The following SRBD1 variants were observed in gnomAD, a reference collection of about 807,000 sequenced individuals.
The protein encoded by SRBD1 is S1 RNA-binding domain-containing protein 1.
A neutral mutation model predicts 115.3 loss-of-function variants in SRBD1; 88 were observed. The ratio of observed to expected loss-of-function variants is 0.76; its 90% confidence interval spans 0.64 to 0.91. The LOEUF (loss-of-function observed/expected upper bound fraction) is 0.91. Ranked by LOEUF, SRBD1 falls within the 40% of genes least tolerant of loss-of-function variation. The pLI, the probability that SRBD1 is intolerant of heterozygous loss-of-function variation, is 0.00. For missense variants in SRBD1, 1,385 were observed against 1,177.4 expected (o/e 1.18, Z -2.58); for synonymous variants, 509 against 407.7 (o/e 1.25, Z -2.99).
chr2:45,389,447 C>T lies in SRBD1; in HGVS notation c.2851G>A (p.Val951Ile), dbSNP rs912755765. The change falls in exon 21 of 21, where the codon GTA (valine) becomes ATA (isoleucine). Residue 951 changes from valine (V) to isoleucine (I), a missense_variant. By Grantham distance (29) the Val-to-Ile change is conservative. Coordinates refer to ENST00000263736, the MANE Select transcript of SRBD1 (RefSeq NM_018079.5). Reference protein sequence around the residue: ...GKSGLIPIRNVTEAKLSKTKK... With the variant: ...GKSGLIPIRNITEAKLSKTKK... ...GTTTTTGAAAGTTTTGCTTCTGTTA[C>T]ATTTCGTATGGGAATCAGCCCAGAT... 1.2e-6 allele frequency: 2 copies of T among 1,614,040 alleles called. No homozygotes were observed. The highest frequency in any genetic ancestry group is 1.7e-6 in the Non-Finnish European group (2 of 1,179,952).
At chr2:45,409,959 G>C (rs1439341000) in intron 19 of SRBD1, among the ~76,000 whole-genome samples, 1 of 151,674 alleles carries the variant, frequency 6.6e-6, no homozygotes, top group African/African-American at 2.4e-5. Flanking sequence ...AAAAAATAGA[G>C]GTAAACCACA....
At chr2:45,431,574 A>G (rs1214342297) in intron 16 of SRBD1, among the ~76,000 whole-genome samples, 2 of 152,228 alleles carry the variant, frequency 1.3e-5, no homozygotes, top group Non-Finnish European at 2.9e-5. Context: ...GAGTTGAACA[A>G]TGAGAACACA....
rs148513355 is a variant in SRBD1, at chr2:45,398,774, G to A, written c.2514-5645C>T. On this transcript the variant is annotated intron_variant, in intron 19 of 20. Coordinates refer to ENST00000263736, the MANE Select transcript of SRBD1 (RefSeq NM_018079.5). ...AGTTACCTCAAAGTATCTAAGATCA[G>A]TGAAATAATAACCAATGCCATACAC... Among the ~76,000 whole-genome samples the A allele has an allele frequency of 2.2e-3, 341 of 152,218 alleles. 2 individuals carry two copies. The highest frequency in any genetic ancestry group is 8.1e-3 in the African/African-American group (335 of 41,538).
At chr2:45,573,181 C>G (rs1241433103) in intron 9 of SRBD1, 26 bp downstream of exon 9, 1 of 1,559,250 alleles carries the variant, frequency 6.4e-7, no homozygotes, top group African/African-American at 1.4e-5. Context: ...ACGAAATCAG[C>G]ATGCACATGC....
chr2:45,599,331 G>A, intron 4 of SRBD1, 118 bp downstream of exon 4: 3 of 1,401,716 alleles, frequency 2.1e-6, no homozygotes, highest in Non-Finnish European at 2.9e-6. Flanking sequence ...GAAATCACTG[G>A]CAAAACTGAA....
At chr2:45,425,700 G>A (rs893576553) in intron 16 of SRBD1, among the ~76,000 whole-genome samples, 3 of 151,998 alleles carry the variant, frequency 2.0e-5, no homozygotes, top group African/African-American at 7.2e-5. Flanking sequence ...CAAGGAGTCA[G>A]GGAACTCACT....
At chr2:45,605,247 TAA>T (rs1248414888) in intron 2 of SRBD1, 113 bp downstream of exon 2, 1 of 867,454 alleles carries the variant, frequency 1.2e-6, no homozygotes, top group Non-Finnish European at 1.8e-6. Context: ...CATGAATGAA[TAA>T]AAAAAGTTTT....
At chr2:45,555,540 G>A (rs1672447519) in intron 10 of SRBD1, among the ~76,000 whole-genome samples, 1 of 147,856 alleles carries the variant, frequency 6.8e-6, no homozygotes, top group African/African-American at 2.5e-5. Flanking sequence ...GCCCAGGCTG[G>A]AGTGCAGTGG....
At chr2:45,446,710 C>T (rs1188409190) in intron 16 of SRBD1, among the ~76,000 whole-genome samples, 1 of 148,272 alleles carries the variant, frequency 6.7e-6, no homozygotes, top group South Asian at 2.1e-4. Flanking sequence ...AAAAAAAAAA[C>T]CCCACAGAAC....
intron 14 of SRBD1, among the ~76,000 whole-genome samples, chr2:45,492,701 A>G (rs1458100013): frequency 6.6e-6 from 1 of 152,046 alleles, no homozygotes; most frequent in African/African-American, 2.4e-5. Flanking sequence ...GGCCTCCCAA[A>G]GTGCTGGGAT....
chr2:45,456,404 T>TG (rs766604135), intron 16 of SRBD1, among the ~76,000 whole-genome samples: 32 of 151,924 alleles, frequency 2.1e-4, no homozygotes, highest in Non-Finnish European at 8.8e-5. Flanking sequence ...TTTTGTTTTC[T>TG]TGACAGTTAA....
intron 16 of SRBD1, among the ~76,000 whole-genome samples, chr2:45,435,533 CCAAGA>C (rs1668466740): frequency 6.7e-6 from 1 of 148,652 alleles, no homozygotes; most frequent in Non-Finnish European, 1.5e-5. Context: ...ACCCAGGGCA[CCAAGA>C]CAAGACAACA....
In SRBD1 at chr2:45,605,921, A is replaced by G. The variant is rs530491225; in HGVS notation, c.1-480T>C. On this transcript the variant is annotated intron_variant, in intron 1 of 20. Transcript: ENST00000263736. ...TCGGTCTCAAAAAAAAAAAAAAAAG[A>G]AAAAAAAAGAGTAGCTAACAGCCTT... is the stretch of plus-strand genomic sequence containing the variant. Among the ~76,000 whole-genome samples the G allele has an allele frequency of 1.5e-4, 22 of 149,984 alleles. No individual in the cohort carries two copies. The South Asian group carries it at 4.0e-3, about 27-fold the overall frequency.
At chr2:45,419,258 T>C (rs1414151834) in intron 17 of SRBD1, among the ~76,000 whole-genome samples, 1 of 152,182 alleles carries the variant, frequency 6.6e-6, no homozygotes, top group Non-Finnish European at 1.5e-5. Flanking sequence ...ACTTGTGTAA[T>C]AAATGCAAAA....
At chr2:45,570,681 T>C (rs1672978164) in intron 9 of SRBD1, among the ~76,000 whole-genome samples, 2 of 152,222 alleles carry the variant, frequency 1.3e-5, no homozygotes, top group African/African-American at 4.8e-5. Flanking sequence ...GAGAGCACTT[T>C]TAACGTACCC....
intron 10 of SRBD1, among the ~76,000 whole-genome samples, chr2:45,559,050 C>A (rs555829592): frequency 2.5e-4 from 38 of 152,222 alleles, no homozygotes; most frequent in African/African-American, 8.2e-4. Flanking sequence ...AATCCACCCA[C>A]CATTTAATCA....
intron 4 of SRBD1, among the ~76,000 whole-genome samples, chr2:45,586,915 T>TAA (rs200021170): frequency 1.8e-4 from 11 of 60,840 alleles, no homozygotes; most frequent in South Asian, 9.1e-4. Flanking sequence ...TTTAAATATT[T>TAA]AATTATTTTA....
rs1365168839 is a variant in SRBD1, at chr2:45,413,424, T to G, written c.2334-131A>C. 1.0e-5 allele frequency: 11 copies of G among 1,067,032 alleles called. No individual in the cohort carries two copies. In the East Asian group the frequency reaches 2.5e-4, roughly 25 times the overall value. 66.1% of individuals were successfully genotyped at this position (1,067,032 alleles called of 1,614,324 possible). On this transcript the variant is annotated intron_variant, in intron 18 of 20. Coordinates refer to ENST00000263736, the MANE Select transcript of SRBD1 (RefSeq NM_018079.5). ...CAGCAACCAGATTTTGACCTTTTACTTCATAGAAACTACCACTTATTTGTT... is the reference window on the plus strand; with the variant it reads ...CAGCAACCAGATTTTGACCTTTTACGTCATAGAAACTACCACTTATTTGTT...
chr2:45,581,495 C>G (rs1438729285), intron 6 of SRBD1, among the ~76,000 whole-genome samples, 198 bp downstream of exon 6: 5 of 151,994 alleles, frequency 3.3e-5, no homozygotes, highest in Non-Finnish European at 7.4e-5. Context: ...TGTATTTATT[C>G]ATCTTTGTAA....
Sources: allele counts gnomAD v4.1 joint callset (sites outside exome capture counted in the v4.1 genomes callset), GRCh38; gene constraint gnomAD v4.1.1; transcripts MANE v1.5; gene names NCBI Gene and HGNC (gene_info 2026-07-23, HGNC 2026-07-21).